Variants in DAB1 observed in about 807,000 individuals in gnomAD.
The protein encoded by DAB1 is DAB adaptor protein 1, also known as disabled homolog 1.
DAB1 carries 15 observed loss-of-function variants against 64.6 expected under a neutral mutation model. That is an observed-to-expected ratio of 0.23 (90% CI 0.16 to 0.36). The LOEUF (loss-of-function observed/expected upper bound fraction) is 0.36. Ranked by LOEUF, DAB1 falls within the 10% of genes least tolerant of loss-of-function variation. The pLI, the probability that DAB1 is intolerant of heterozygous loss-of-function variation, is 1.00. For synonymous variants in DAB1, 235 were observed against 251.9 expected (o/e 0.93, Z 0.64); for missense variants, 596 against 706.7 (o/e 0.84, Z 1.78).
intron 3 of DAB1, among the ~76,000 whole-genome samples, chr1:58,434,286 T>C (rs912142762): frequency 2.0e-5 from 3 of 152,116 alleles, no homozygotes; most frequent in African/African-American, 7.2e-5. Context: ...GGATGATGCC[T>C]GAGACTACAG....
rs550066223 is a variant in DAB1, at chr1:57,481,820, A to C, written n.625+167772T>G. ...TGACAGAGCAAGACTCTGTCTCAAA[A>C]AAAAAAAAAAGAGATAATGTAGGAG... On this transcript the variant is annotated intron_variant and non_coding_transcript_variant, in intron 7 of 20. Coordinates refer to the DAB1 transcript ENST00000485760. Among the ~76,000 whole-genome samples, 5 of 152,042 alleles carry C rather than the reference A, an allele frequency of 3.3e-5. No individual in the cohort carries two copies. The East Asian group carries it at 5.8e-4, about 18-fold the overall frequency.
At chr1:58,082,924 G>A (rs560293568) in intron 5 of DAB1, among the ~76,000 whole-genome samples, 3 of 152,240 alleles carry the variant, frequency 2.0e-5, no homozygotes, top group Non-Finnish European at 2.9e-5. Context: ...GACTTTCAAG[G>A]GGTTTGAAAT....
chr1:57,380,681 G>T (rs11207021), intron 1 of DAB1, among the ~76,000 whole-genome samples: 47,677 of 152,050 alleles, frequency 0.31, 7,972 homozygotes, highest in African/African-American at 0.4. Context: ...GTCCAGTGGG[G>T]AGACATAAAG....
chr1:57,478,958 A>T (rs544642842), intron 7 of DAB1, among the ~76,000 whole-genome samples: 2 of 152,188 alleles, frequency 1.3e-5, no homozygotes, highest in South Asian at 4.1e-4. Flanking sequence ...AAAAAGGTGA[A>T]TGGCTAGTAG....
chr1:57,414,002 A>T (rs909525140), intron 1 of DAB1, among the ~76,000 whole-genome samples: 3 of 152,220 alleles, frequency 2.0e-5, no homozygotes, highest in Non-Finnish European at 4.4e-5. Flanking sequence ...TTAGCGGATA[A>T]GGAGTTACTT....
chr1:57,526,743 A>T (rs772349043), intron 7 of DAB1, among the ~76,000 whole-genome samples: 6 of 152,210 alleles, frequency 3.9e-5, no homozygotes, highest in Non-Finnish European at 5.9e-5. Flanking sequence ...GAATGTTCAG[A>T]CATTTGCCTA....
chr1:57,396,207 A>T (rs1398211384), intron 1 of DAB1, among the ~76,000 whole-genome samples: 1 of 152,192 alleles, frequency 6.6e-6, no homozygotes. Context: ...CGAACACATA[A>T]AAGGTTTGAA....
chr1:58,398,418 G>A (rs547481849), intron 3 of DAB1, among the ~76,000 whole-genome samples: 1 of 152,324 alleles, frequency 6.6e-6, no homozygotes, highest in Non-Finnish European at 1.5e-5. Context: ...CCACGTTAGA[G>A]ACGGAAGGGA....
intron 1 of DAB1, among the ~76,000 whole-genome samples, chr1:57,394,254 C>A (rs937642959): frequency 6.6e-6 from 1 of 152,218 alleles, no homozygotes; most frequent in African/African-American, 2.4e-5. Flanking sequence ...CAACATCAGA[C>A]CCAACGGGCG....
chr1:57,405,636 G>C (rs1422475393), intron 1 of DAB1, among the ~76,000 whole-genome samples: 2 of 152,180 alleles, frequency 1.3e-5, no homozygotes, highest in African/African-American at 2.4e-5. Flanking sequence ...AGACCTACAT[G>C]AGTCCAGTAT....
chr1:57,945,458 T>TTA, intron 5 of DAB1, among the ~76,000 whole-genome samples: 1 of 98,514 alleles, frequency 1.0e-5, no homozygotes, highest in African/African-American at 3.3e-5. Flanking sequence ...TATTATTATT[T>TTA]TGGCAGAGAT....
chr1:57,781,126 C>CTCTCTCTCTCTCTCTA (rs1557477160), intron 6 of DAB1, among the ~76,000 whole-genome samples: 1 of 27,726 alleles, frequency 3.6e-5, no homozygotes, highest in Non-Finnish European at 6.4e-5. Context: ...CTCTCTCTCT[C>CTCTCTCTCTCTCTCTA]TATATATATA....
intron 5 of DAB1, among the ~76,000 whole-genome samples, chr1:57,924,496 G>A (rs74784555): frequency 1.3e-5 from 2 of 151,978 alleles, no homozygotes; most frequent in African/African-American, 2.4e-5. Flanking sequence ...GTCTCGCTTT[G>A]TTGCCCAGGC....
chr1:57,340,538 C>T (rs1412613578), intron 1 of DAB1, among the ~76,000 whole-genome samples: 2 of 152,216 alleles, frequency 1.3e-5, no homozygotes, highest in Non-Finnish European at 2.9e-5. Flanking sequence ...GAAACGCAGT[C>T]ACTGTAACCA....
intron 4 of DAB1, among the ~76,000 whole-genome samples, chr1:58,339,390 A>G (rs536828720): frequency 1.6e-4 from 25 of 152,228 alleles, no homozygotes; most frequent in Non-Finnish European, 3.1e-4. Context: ...CAAGGAGCTT[A>G]TATTTGGCAG....
intron 1 of DAB1, among the ~76,000 whole-genome samples, chr1:57,340,115 T>C (rs1677451134): frequency 6.6e-6 from 1 of 152,182 alleles, no homozygotes; most frequent in South Asian, 2.1e-4. Flanking sequence ...GAAGGGGTTT[T>C]ACAAAGAAGG....
intron 2 of DAB1, among the ~76,000 whole-genome samples, chr1:57,249,627 C>T (rs1246422883): frequency 6.6e-6 from 1 of 152,218 alleles, no homozygotes; most frequent in African/African-American, 2.4e-5. Context: ...CCGCCTTGGC[C>T]TTCTAAAGTG....
chr1:57,873,993 C>CTCTTTGACA (rs1644000080), intron 1 of DAB1: 1 of 152,088 alleles, frequency 6.6e-6, no homozygotes, highest in Non-Finnish European at 1.5e-5. Context: ...TGACACAAGT[C>CTCTTTGACA]TCTGGTACAG....
intron 7 of DAB1, among the ~76,000 whole-genome samples, chr1:57,552,343 C>A (rs751144719): frequency 1.1e-4 from 17 of 152,176 alleles, no homozygotes; most frequent in Non-Finnish European, 1.9e-4. Context: ...CAGAAATGAA[C>A]AGGGCAGGAT....
Sources: gnomAD v4.1 joint callset for allele counts (sites outside exome capture counted in the v4.1 genomes callset) on GRCh38, gnomAD v4.1.1 for gene constraint, MANE v1.5 for transcripts, NCBI Gene and HGNC (gene_info 2026-07-23, HGNC 2026-07-21) for gene names.